The following DMGDH variants were observed in gnomAD, a reference collection of about 807,000 sequenced individuals.
DMGDH encodes dimethylglycine dehydrogenase.
In DMGDH, 76 loss-of-function variants were observed where a neutral mutation model predicts 95.2. That is an observed-to-expected ratio of 0.80 (90% CI 0.66 to 0.97). The LOEUF (loss-of-function observed/expected upper bound fraction) is 0.97, where lower values mean the gene tolerates loss of function less well. DMGDH is among the 50% of genes least tolerant of loss of function. The pLI, the probability that DMGDH is intolerant of heterozygous loss-of-function variation, is 0.00. For missense variants in DMGDH, 987 were observed against 1,055.0 expected (o/e 0.94, Z 0.89); for synonymous variants, 345 against 377.6 (o/e 0.91, Z 1.00).
At chr5:79,064,269 C>T (rs1279159428) in intron 1 of DMGDH, among the ~76,000 whole-genome samples, 3 of 151,952 alleles carry the variant, frequency 2.0e-5, no homozygotes, top group Non-Finnish European at 4.4e-5. Context: ...AAGAGGACTG[C>T]TTGAGCCTAG....
chr5:79,019,831 G>C (rs1456826747), intron 14 of DMGDH, among the ~76,000 whole-genome samples: 1 of 152,134 alleles, frequency 6.6e-6, no homozygotes, highest in Non-Finnish European at 1.5e-5. Context: ...GTTGTAGTGA[G>C]CCAAAATTGC....
chr5:79,021,540 A>T, intron 14 of DMGDH: 1 of 1,284,980 alleles, frequency 7.8e-7, no homozygotes, highest in South Asian at 1.2e-5. Context: ...GTGATGAAAG[A>T]GTTCTTCAGT....
intron 5 of DMGDH, among the ~76,000 whole-genome samples, chr5:79,050,391 T>G (rs1580221095): frequency 6.6e-6 from 1 of 150,628 alleles, no homozygotes; most frequent in Non-Finnish European, 1.5e-5. Context: ...TGATAAATAA[T>G]AAAGATTGTT....
rs550961407 is a variant in DMGDH, at chr5:79,026,525, C to T, written c.2089G>A (p.Ala697Thr). The change falls in exon 13 of 16, where the codon GCT becomes ACT. Residue 697 changes from alanine to threonine, a missense_variant. Ala to Thr is a moderately conservative substitution (Grantham distance 58). Transcript: ENST00000255189. ...TCCTCCTGGCCTGCATTCATGATAGCGTCATACAGCGCCACAGAATCTTCT... is the reference window on the plus strand; with the variant it reads ...TCCTCCTGGCCTGCATTCATGATAGTGTCATACAGCGCCACAGAATCTTCT... ...RREDSVALYD[A>T]IMNAGQEEGI... is the part of the protein sequence containing the mutation. 29 of 1,614,126 alleles carry T rather than the reference C, an allele frequency of 1.8e-5. 1 individual carries two copies. In the South Asian group the frequency reaches 2.3e-4, roughly 13 times the overall value.
intron 14 of DMGDH, among the ~76,000 whole-genome samples, chr5:79,014,940 T>C (rs571479622): frequency 6.6e-6 from 1 of 152,250 alleles, no homozygotes; most frequent in East Asian, 1.9e-4. Flanking sequence ...GTCAGGAATA[T>C]AAGGCGTGGT....
At chr5:79,036,949 G>A (rs959218380) in intron 7 of DMGDH, among the ~76,000 whole-genome samples, 3 of 152,038 alleles carry the variant, frequency 2.0e-5, no homozygotes, top group Admixed American at 1.3e-4. Context: ...GAGGTCATGA[G>A]GGTGGGGCCC....
chr5:79,051,343 C>A lies in DMGDH; in HGVS notation c.689G>T (p.Trp230Leu). 1 of 1,614,196 alleles carries A rather than the reference C, an allele frequency of 6.2e-7. No individual in the cohort carries two copies. Among genetic ancestry groups the A allele is most frequent in the Non-Finnish European group, 8.5e-7 (1 of 1,180,044 alleles). The change falls in exon 5 of 16, where the codon TGG (tryptophan) becomes TTG (leucine). Residue 230 changes from tryptophan (W) to leucine (L), a missense_variant. Trp to Leu is a moderately conservative substitution (Grantham distance 61). Coordinates refer to ENST00000255189, the MANE Select transcript of DMGDH (RefSeq NM_013391.3). ...AGACCCCTGTGGTGTTTCAACGTCC[C>A]ATGTTCCATCTGACCTGGCTTTCAG... ...TSLKARSDGT[W>L]DVETPQGSMR... is the part of the protein sequence containing the mutation.
In DMGDH at chr5:79,069,552, G is replaced by T. The variant is rs929359642; in HGVS notation, c.69C>A (p.Pro23=). The change falls in exon 1 of 16, where the codon CCC becomes CCA. Residue 23 remains proline (P), a synonymous_variant. Coordinates refer to ENST00000255189, the MANE Select transcript of DMGDH (RefSeq NM_013391.3). The part of the protein sequence containing the change: ...LLRSCPLQGS[P]GRPRSVCGRE... ...GGCCGCAGACAGAGCGCGGGCGCCC[G>T]GGGGAGCCCTGCAGCGGGCAGCTCC... is the stretch of plus-strand genomic sequence containing the variant. 7.6e-7 allele frequency: 1 copy of T among 1,317,872 alleles called. No individual in the cohort carries two copies. The highest frequency in any genetic ancestry group is 2.2e-5 in the South Asian group (1 of 46,028). The allele number at this position is 1,317,872 out of a possible 1,614,324, so 81.6% of individuals were successfully genotyped here. A position where few individuals can be genotyped will look rare whatever the true frequency, so the allele number is the denominator to read the frequency against.
At chr5:79,063,869 T>C (rs1405659286) in intron 1 of DMGDH, 82 bp from the exon 2 acceptor site, 1 of 1,371,394 alleles carries the variant, frequency 7.3e-7, no homozygotes, top group Admixed American at 1.7e-5. Flanking sequence ...CCCTTACCCG[T>C]TTCTCTAGTA....
At chr5:79,064,837 C>T (rs582972) in intron 1 of DMGDH, among the ~76,000 whole-genome samples, 3 of 151,958 alleles carry the variant, frequency 2.0e-5, no homozygotes, top group Non-Finnish European at 4.4e-5. Flanking sequence ...GCAACCTCCA[C>T]CTACTGGGTT....
chr5:79,059,843 AC>A (rs1354789943), intron 2 of DMGDH, among the ~76,000 whole-genome samples: 1 of 152,234 alleles, frequency 6.6e-6, no homozygotes, highest in African/African-American at 2.4e-5. Flanking sequence ...TGCATTCACA[AC>A]TTTTTAGCTA....
chr5:79,048,259 T>A (rs1444086766), intron 5 of DMGDH, among the ~76,000 whole-genome samples: 4 of 152,196 alleles, frequency 2.6e-5, no homozygotes, highest in Non-Finnish European at 5.9e-5. Flanking sequence ...ATCCCTATTT[T>A]ACAAATAAGT....
At chr5:79,064,045 C>CA (rs1279489125) in intron 1 of DMGDH, among the ~76,000 whole-genome samples, 2 of 151,990 alleles carry the variant, frequency 1.3e-5, no homozygotes, top group Non-Finnish European at 2.9e-5. Flanking sequence ...CAAGTAGCTT[C>CA]TTTTTTTCAA....
intron 5 of DMGDH, among the ~76,000 whole-genome samples, chr5:79,046,019 C>T (rs1754661299): frequency 6.6e-6 from 1 of 152,150 alleles, no homozygotes; most frequent in African/African-American, 2.4e-5. Context: ...CATTTGCAAA[C>T]CAGAAATCTA....
chr5:79,035,022 A>T (rs528708558), intron 7 of DMGDH, among the ~76,000 whole-genome samples: 4 of 135,286 alleles, frequency 3.0e-5, no homozygotes, highest in Non-Finnish European at 4.6e-5. Flanking sequence ...GCGCCACTGC[A>T]CTCCAACCTG....
intron 7 of DMGDH, among the ~76,000 whole-genome samples, chr5:79,037,627 G>A (rs979409522): frequency 2.0e-5 from 3 of 152,112 alleles, no homozygotes; most frequent in Non-Finnish European, 4.4e-5. Flanking sequence ...AATCAGGGGA[G>A]GAGTCTGACA....
chr5:79,045,419 C>G (rs949025650), intron 5 of DMGDH, among the ~76,000 whole-genome samples: 1 of 152,088 alleles, frequency 6.6e-6, no homozygotes, highest in Non-Finnish European at 1.5e-5. Context: ...TTGATTCTTT[C>G]CCAGGCTGAC....
intron 11 of DMGDH, among the ~76,000 whole-genome samples, chr5:79,029,103 A>T (rs1754080919): frequency 6.6e-6 from 1 of 152,348 alleles, no homozygotes; most frequent in Middle Eastern, 3.4e-3. Context: ...GAAAAGACAG[A>T]AACTCTAGTT....
intron 5 of DMGDH, among the ~76,000 whole-genome samples, chr5:79,045,126 G>A (rs761380099): frequency 6.6e-6 from 1 of 152,108 alleles, no homozygotes; most frequent in Non-Finnish European, 1.5e-5. Flanking sequence ...TGCATACTTC[G>A]GGAGAGAAAG....
Sources: gnomAD v4.1 joint callset for allele counts (sites outside exome capture counted in the v4.1 genomes callset) on GRCh38, gnomAD v4.1.1 for gene constraint, MANE v1.5 for transcripts, NCBI Gene and HGNC (gene_info 2026-07-23, HGNC 2026-07-21) for gene names.